DPY19L1: variants seen among roughly 807,000 people sequenced by gnomAD.
DPY19L1 encodes protein C-mannosyl-transferase DPY19L1.
A neutral mutation model predicts 96.9 loss-of-function variants in DPY19L1; 35 were observed. The observed-to-expected ratio is 0.36, with a 90% CI of 0.28 to 0.48. DPY19L1 has a LOEUF of 0.48. Among genes scored for constraint, DPY19L1 ranks in the 20% least tolerant of loss-of-function variants. The probability of loss-of-function intolerance (pLI) is 0.99; values close to 1 mark genes in which losing one functional copy is unlikely to be tolerated. For missense variants in DPY19L1, 521 were observed against 777.9 expected (o/e 0.67, Z 3.93); for synonymous variants, 205 against 252.6 (o/e 0.81, Z 1.79).
chr7:34,959,642 C>A (rs1297719521), intron 10 of DPY19L1, among the ~76,000 whole-genome samples: 1 of 151,136 alleles, frequency 6.6e-6, no homozygotes, highest in Non-Finnish European at 1.5e-5. Context: ...CATGTCCTCA[C>A]TCATAACTGT....
intron 1 of DPY19L1, among the ~76,000 whole-genome samples, chr7:35,027,668 T>TA (rs57262214): frequency 0.18 from 13,156 of 71,350 alleles, 1,951 homozygotes; most frequent in Middle Eastern, 0.36. Context: ...CCGTCTCTAC[T>TA]AAAAAAAAAA....
In DPY19L1 at chr7:35,014,924, C is replaced by T. The variant is rs1348540690; in HGVS notation, c.412-1219G>A. ...AGAGGGGTCAGAGACTGGGGTGAGG[C>T]ATCAGCATGCCAAGGAATTCCAAGG... On this transcript the variant is annotated intron_variant, in intron 3 of 21. Coordinates refer to ENST00000638088, the MANE Select transcript of DPY19L1 (RefSeq NM_001366673.1). Among the ~76,000 whole-genome samples, 3 of 152,166 alleles carry T rather than the reference C, an allele frequency of 2.0e-5. No homozygotes were observed. In the East Asian group the frequency reaches 5.8e-4, roughly 29 times the overall value.
chr7:35,012,349 TG>T (rs1785733097), intron 4 of DPY19L1, among the ~76,000 whole-genome samples: 1 of 152,192 alleles, frequency 6.6e-6, no homozygotes, highest in Non-Finnish European at 1.5e-5. Flanking sequence ...CTTCAGGTGT[TG>T]GCCCTAAGGA....
intron 4 of DPY19L1, 130 bp downstream of exon 4, chr7:35,013,438 G>A (rs1235048389): frequency 4.6e-6 from 3 of 656,486 alleles, no homozygotes; most frequent in Non-Finnish European, 7.4e-6. Context: ...TCCTCCACAA[G>A]ATACATATTT....
chr7:34,947,344 G>T (rs1198710796), intron 15 of DPY19L1, among the ~76,000 whole-genome samples: 2 of 152,152 alleles, frequency 1.3e-5, no homozygotes, highest in Non-Finnish European at 2.9e-5. Flanking sequence ...AATTTACACA[G>T]GCAAGTTGTA....
intron 10 of DPY19L1, among the ~76,000 whole-genome samples, chr7:34,959,927 A>ATATT (rs1554352909): frequency 2.4e-3 from 67 of 27,386 alleles, no homozygotes; most frequent in Non-Finnish European, 1.9e-3. Flanking sequence ...ATATATATTT[A>ATATT]TATATATATA....
rs1783944439 is a variant in DPY19L1 at position 34,939,328 on chromosome 7, A to C, written c.1912T>G (p.Ser638Ala). 6.2e-7 allele frequency: 1 copy of C among 1,614,014 alleles called. No individual in the cohort carries two copies. Among genetic ancestry groups the C allele is most frequent in the East Asian group, 2.2e-5 (1 of 44,886 alleles). Residue 638 changes from serine (S) to alanine (A), a missense_variant, in exon 20 of 22, where the codon TCT becomes GCT. Transcript: ENST00000638088. ...AMPTMASVKL[S>A]ALRPIVNHPH... ...TGATTCACAATGGGCCGAAGTGCAG[A>C]GAGCTTAACACTTGCCATCGTGGGC...
intron 7 of DPY19L1, among the ~76,000 whole-genome samples, chr7:34,983,948 GAAC>G (rs1784994579): frequency 6.6e-6 from 1 of 151,614 alleles, no homozygotes; most frequent in African/African-American, 2.4e-5. Context: ...GAAAATCTCT[GAAC>G]AACAGAGAAA....
At chr7:34,972,149 T>G (rs1484912713) in intron 8 of DPY19L1, among the ~76,000 whole-genome samples, 1 of 152,136 alleles carries the variant, frequency 6.6e-6, no homozygotes, top group Non-Finnish European at 1.5e-5. Context: ...TCCCAAGAAA[T>G]GCAGACAGCC....
chr7:35,004,751 A>AT (rs1327042612), intron 6 of DPY19L1, among the ~76,000 whole-genome samples: 1 of 152,264 alleles, frequency 6.6e-6, no homozygotes, highest in Non-Finnish European at 1.5e-5. Flanking sequence ...GCTGTTTCTT[A>AT]TAAGATCCTC....
At chr7:35,023,833 C>CTTTTTTTTTTTTTTTTTTT (rs755619806) in intron 1 of DPY19L1, among the ~76,000 whole-genome samples, 6 of 111,810 alleles carry the variant, frequency 5.4e-5, no homozygotes, top group Admixed American at 1.0e-4. Flanking sequence ...CTTTTCTTTT[C>CTTTTTTTTTTTTTTTTTTT]TTTTTTTTTT....
chr7:34,976,150 A>T (rs751607928), intron 7 of DPY19L1, among the ~76,000 whole-genome samples: 2 of 152,212 alleles, frequency 1.3e-5, no homozygotes, highest in Non-Finnish European at 2.9e-5. Flanking sequence ...ATGAAATTTA[A>T]ATCTTCTGGA....
At chr7:34,941,146 G>A (rs1223510436) in intron 18 of DPY19L1, among the ~76,000 whole-genome samples, 3 of 152,250 alleles carry the variant, frequency 2.0e-5, no homozygotes, top group Admixed American at 6.5e-5. Flanking sequence ...CCTAGAGTGC[G>A]CAGTGTAGGT....
intron 6 of DPY19L1, among the ~76,000 whole-genome samples, chr7:35,008,440 T>C (rs1447597847): frequency 4.6e-5 from 7 of 152,246 alleles, no homozygotes; most frequent in African/African-American, 1.4e-4. Flanking sequence ...TTCTCTTCAG[T>C]AGATGTTGTG....
intron 10 of DPY19L1, among the ~76,000 whole-genome samples, chr7:34,960,700 C>T (rs1784484332): frequency 1.3e-5 from 2 of 152,080 alleles, no homozygotes; most frequent in Non-Finnish European, 2.9e-5. Context: ...GGAAATTGTT[C>T]TATGGCTTCA....
chr7:34,985,305 G>A (rs896128912), intron 7 of DPY19L1, among the ~76,000 whole-genome samples: 5 of 152,004 alleles, frequency 3.3e-5, no homozygotes, highest in African/African-American at 1.2e-4. Context: ...GCACAGACAA[G>A]GAAAGCAAAA....
At chr7:34,947,599 A>C (rs551955949) in intron 15 of DPY19L1, 31 bp downstream of exon 15, 2 of 1,566,018 alleles carry the variant, frequency 1.3e-6, no homozygotes, top group Admixed American at 3.7e-5. Context: ...ATATTCTATT[A>C]TAAGAAAGAG....
intron 7 of DPY19L1, among the ~76,000 whole-genome samples, chr7:34,977,551 A>G (rs1291242284): frequency 6.6e-6 from 1 of 152,220 alleles, no homozygotes; most frequent in Non-Finnish European, 1.5e-5. Flanking sequence ...AATGTCCATG[A>G]AAGTGCTTTC....
In DPY19L1 at chr7:35,023,251, C is replaced by T. The variant is rs1339043177; in HGVS notation, c.299-4655G>A. Among the ~76,000 whole-genome samples the T allele has an allele frequency of 2.6e-5, 4 of 152,314 alleles. No individual in the cohort carries two copies. The East Asian group carries it at 5.8e-4, about 22-fold the overall frequency. On this transcript the variant is annotated intron_variant, in intron 1 of 21. Transcript: ENST00000638088. ...ACCCCAAGCCAGGGCCCTTCCTAGA[C>T]GCCGTCCTGAGGGTCACTGGGAAGT...
Sources: gnomAD v4.1 joint callset for allele counts (sites outside exome capture counted in the v4.1 genomes callset) on GRCh38, gnomAD v4.1.1 for gene constraint, MANE v1.5 for transcripts, NCBI Gene and HGNC (gene_info 2026-07-23, HGNC 2026-07-21) for gene names.